OPA1: variants seen among roughly 807,000 people sequenced by gnomAD.
OPA1 encodes the protein dynamin-like GTPase OPA1, mitochondrial.
Under a neutral mutation model 152.9 loss-of-function variants are expected in OPA1, and 59 were observed. That is an observed-to-expected ratio of 0.39 (90% CI 0.31 to 0.48). The LOEUF (loss-of-function observed/expected upper bound fraction) is 0.48, where lower values mean the gene tolerates loss of function less well. Among genes scored for constraint, OPA1 ranks in the 20% least tolerant of loss-of-function variants. The pLI is 0.96. For synonymous variants in OPA1, 400 were observed against 389.9 expected, an observed-to-expected ratio of 1.03 and a Z score of -0.31; for missense variants, 1,008 against 1,216.8, an observed-to-expected ratio of 0.83 and a Z score of 2.55.
Position 193,625,776 on chromosome 3 carries a change from T to TA in OPA1, c.679-301dup, listed in dbSNP as rs35044042. On this transcript the variant is annotated intron_variant, in intron 6 of 30. Transcript: ENST00000361510. ...TTTAGACCAGTAAGATCAACACTGT[T>TA]AAAAAAAAAAAAAAATCAGTATTTT... Among the ~76,000 whole-genome samples, 2,108 of 142,754 alleles carry TA rather than the reference T, an allele frequency of 0.015. 20 individuals are homozygous for TA. The highest frequency in any genetic ancestry group is 0.033 in the Middle Eastern group (9 of 276). 93.7% of individuals were successfully genotyped at this position (142,754 alleles called of 152,430 possible).
Position 193,647,097 on chromosome 3 carries a change from C to T in OPA1, c.1787C>T (p.Thr596Ile), listed in dbSNP as rs765073068. ...TSMLKAHQVT[T>I]RNLSLAVSDC... ...ATGCTAAAGGCACACCAAGTGACTA[C>T]AAGAAATTTAAGCCTTGCAGTATCA... Residue 596 changes from threonine (T) to isoleucine (I), a missense_variant, in exon 19 of 31, where the codon ACA becomes ATA. Physicochemically the swap from Thr to Ile is moderately conservative, Grantham distance 89. This residue lies in a region of OPA1 where 213 missense variants were observed against 291.4 expected (regional missense o/e 0.73). Transcript: ENST00000361510. The T allele has an allele frequency of 1.2e-6, 2 of 1,612,932 alleles. No homozygotes were observed. The highest frequency in any genetic ancestry group is 1.7e-5 in the Admixed American group (1 of 60,014).
chr3:193,597,402 G>A (rs1725773397), intron 1 of OPA1, among the ~76,000 whole-genome samples: 1 of 152,080 alleles, frequency 6.6e-6, no homozygotes. Context: ...GATAGAAACG[G>A]AAATCAGGCT....
intron 21 of OPA1, among the ~76,000 whole-genome samples, chr3:193,651,567 G>A (rs116591964): frequency 0.025 from 3,849 of 152,246 alleles, 52 homozygotes; most frequent in Non-Finnish European, 0.03. Context: ...TGAAGAAATG[G>A]AAAGCAATTT....
At chr3:193,668,485 G>C in intron 29 of OPA1, 3 of 1,550,790 alleles carry the variant, frequency 1.9e-6, no homozygotes, top group Non-Finnish European at 2.6e-6. Context: ...TTTGTGCCAG[G>C]TGCCTCTCCA....
At chr3:193,647,585 A>G (rs2109074010) in intron 19 of OPA1, among the ~76,000 whole-genome samples, 1 of 152,326 alleles carries the variant, frequency 6.6e-6, no homozygotes, top group South Asian at 2.1e-4. Flanking sequence ...TTATCGGAAG[A>G]GAATATATTT....
At chr3:193,617,934 G>T in intron 5 of OPA1, 97 bp downstream of exon 5, 1 of 812,432 alleles carries the variant, frequency 1.2e-6, no homozygotes, top group Non-Finnish European at 2.1e-6. Context: ...TTATAATGCT[G>T]CTTATGCTGA....
At position 193,631,619 on chromosome 3, in the gene OPA1, A is replaced by G; in HGVS notation, c.797A>G (p.Asp266Gly). 1.2e-6 allele frequency: 2 copies of G among 1,610,192 alleles called. No homozygotes were observed. The highest frequency in any genetic ancestry group is 8.5e-7 in the Non-Finnish European group (1 of 1,176,632). ...SYAQQKRKVS[D>G]KEKIDQLQEE... ...ATTATTTTAAACATTTAGGTGTCAG[A>G]CAAAGAGAAAATTGACCAACTTCAG... is the stretch of plus-strand genomic sequence containing the variant. Residue 266 changes from aspartate (D) to glycine (G), a missense_variant, in exon 8 of 31, where the codon GAC becomes GGC. By Grantham distance (94) the Asp-to-Gly change is moderately conservative (BLOSUM62 -1). Around this residue, in one of 7 missense-constraint regions of OPA1, gnomAD observed 408 missense variants for 395.1 expected, o/e 1.03. Coordinates refer to ENST00000361510, the MANE Select transcript of OPA1 (RefSeq NM_130837.3).
chr3:193,665,686 G>A (rs1053263021), intron 27 of OPA1, among the ~76,000 whole-genome samples: 24 of 152,028 alleles, frequency 1.6e-4, no homozygotes, highest in Non-Finnish European at 2.1e-4. Flanking sequence ...CTAACATGCT[G>A]TTCTTTTGTT....
chr3:193,654,716 G>A (rs1214234848), intron 21 of OPA1, 146 bp from the exon 22 acceptor site: 2 of 740,592 alleles, frequency 2.7e-6, no homozygotes, highest in East Asian at 2.7e-5. Flanking sequence ...CTTGACTGGT[G>A]CGATTTACAG....
At chr3:193,618,994 T>C in intron 6 of OPA1, 58 bp downstream of exon 6, 2 of 1,346,936 alleles carry the variant, frequency 1.5e-6, no homozygotes, top group Non-Finnish European at 2.1e-6. Context: ...TTAAAGTTTT[T>C]ACTTCTTTGG....
chr3:193,599,840 A>C (rs1181372909), intron 1 of OPA1, among the ~76,000 whole-genome samples: 1 of 152,236 alleles, frequency 6.6e-6, no homozygotes, highest in Non-Finnish European at 1.5e-5. Context: ...GAGAGACTCC[A>C]GGGGTGCCTC....
rs1560088818 is a variant in OPA1, at chr3:193,695,246, A to G, written c.*646A>G. ...GCGAAGAAATTTGCCTTGGAAGCCA[A>G]GTCAGTACCAGCTTACCTATTTGAT... On this transcript the variant is annotated 3_prime_UTR_variant, in exon 31 of 31. Coordinates refer to ENST00000361510, the MANE Select transcript of OPA1 (RefSeq NM_130837.3). 1 of 152,216 alleles carries G rather than the reference A, an allele frequency of 6.6e-6. No homozygotes were observed. Among genetic ancestry groups the G allele is most frequent in the Non-Finnish European group, 1.5e-5 (1 of 68,020 alleles). 9.4% of individuals were successfully genotyped at this position (152,216 alleles called of 1,614,324 possible).
chr3:193,643,811 A>G (rs1373590600), intron 15 of OPA1, 164 bp from the exon 16 acceptor site: 22 of 908,186 alleles, frequency 2.4e-5, no homozygotes, highest in Non-Finnish European at 3.4e-6. Flanking sequence ...TTACATAAGC[A>G]TCATTGAAAT....
intron 19 of OPA1, among the ~76,000 whole-genome samples, 184 bp downstream of exon 19, chr3:193,647,364 C>G (rs1225034176): frequency 1.3e-5 from 2 of 152,144 alleles, no homozygotes; most frequent in African/African-American, 4.8e-5. Flanking sequence ...CAAGATTTTT[C>G]CTTTCAGAGG....
At chr3:193,645,961 CT>C (rs1311586069) in intron 18 of OPA1, among the ~76,000 whole-genome samples, 161 bp downstream of exon 18, 3 of 152,188 alleles carry the variant, frequency 2.0e-5, no homozygotes, top group Non-Finnish European at 4.4e-5. Flanking sequence ...AAGTCCTTAG[CT>C]ACTTTTTGGC....
intron 11 of OPA1, among the ~76,000 whole-genome samples, chr3:193,639,320 T>C (rs1215997414): frequency 6.6e-6 from 1 of 152,094 alleles, no homozygotes; most frequent in Non-Finnish European, 1.5e-5. Flanking sequence ...GTATAGTAGG[T>C]TAGAAGGCAA....
At chr3:193,631,919 G>T (rs997465084) in intron 8 of OPA1, 2 of 567,556 alleles carry the variant, frequency 3.5e-6, no homozygotes, top group Non-Finnish European at 6.2e-6. Flanking sequence ...GGAGAAAGTG[G>T]CTTGTCCTTA....
chr3:193,638,513 T>C (rs1319619164), intron 11 of OPA1, among the ~76,000 whole-genome samples: 1 of 152,234 alleles, frequency 6.6e-6, no homozygotes, highest in East Asian at 1.9e-4. Flanking sequence ...CATTTAATTT[T>C]ACGTAAACAC....
intron 16 of OPA1, 87 bp downstream of exon 16, chr3:193,644,192 A>T: frequency 6.8e-7 from 1 of 1,481,194 alleles, no homozygotes; most frequent in Non-Finnish European, 9.4e-7. Context: ...AAACAACAAC[A>T]ACAACAAAAA....
Sources: allele counts gnomAD v4.1 joint callset (sites outside exome capture counted in the v4.1 genomes callset), GRCh38; gene constraint gnomAD v4.1.1; regional missense constraint gnomAD v4.1.1; transcripts MANE v1.5; gene names NCBI Gene and HGNC (gene_info 2026-07-23, HGNC 2026-07-21).